Variants in PREX1 observed in about 807,000 individuals in gnomAD.
PREX1 encodes the protein phosphatidylinositol-3,4,5-trisphosphate dependent Rac exchange factor 1.
Under a neutral mutation model 198.3 loss-of-function variants are expected in PREX1, and 41 were observed. That is an observed-to-expected ratio of 0.21 (90% CI 0.16 to 0.27). The LOEUF is 0.27. PREX1 is among the 10% of genes least tolerant of loss of function. The pLI is 1.00. For synonymous variants in PREX1, 843 were observed against 887.2 expected (o/e 0.95, Z 0.89); for missense variants, 1,620 against 2,200.7 (o/e 0.74, Z 5.28).
In PREX1 at chr20:48,666,686, C is replaced by T. The variant is rs982287127; in HGVS notation, c.1666-331G>A. 7.2e-5 allele frequency among the ~76,000 whole-genome samples: 11 copies of T among 152,068 alleles called. No homozygotes were observed. The highest frequency in any genetic ancestry group is 1.4e-4 in the African/African-American group (6 of 41,470). The stretch of plus-strand genomic sequence containing the variant: ...GACTACAGGCACCTGCCACCACGCC[C>T]GGCTAATTTTTTGTATTTTTAGTAG... On this transcript the variant is annotated intron_variant, in intron 14 of 39. Transcript: ENST00000371941. The surrounding 1 kb of genome is among the most constrained non-coding windows in gnomAD (Gnocchi z 4.3).
At chr20:48,669,089 G>C (rs1378727857) in intron 14 of PREX1, among the ~76,000 whole-genome samples, 3 of 152,056 alleles carry the variant, frequency 2.0e-5, no homozygotes, top group Admixed American at 6.5e-5. Flanking sequence ...CTCTCCCAGA[G>C]GAAGCCGCCA....
intron 1 of PREX1, among the ~76,000 whole-genome samples, chr20:48,752,109 C>T (rs766427051): frequency 6.6e-6 from 1 of 152,120 alleles, no homozygotes; most frequent in South Asian, 2.1e-4. Context: ...GAGATTAGTT[C>T]AGTTTACCCA....
intron 25 of PREX1, 93 bp downstream of exon 25, chr20:48,649,206 CA>C (rs2089473059): frequency 6.6e-7 from 1 of 1,507,416 alleles, no homozygotes; most frequent in Admixed American, 1.9e-5. Context: ...GCCCACCCCC[CA>C]CTACAAAGAA....
intron 13 of PREX1, 27 bp from the exon 14 acceptor site, chr20:48,676,295 G>A (rs758536394): frequency 3.1e-5 from 50 of 1,605,056 alleles, no homozygotes; most frequent in Non-Finnish European, 3.9e-5. Flanking sequence ...CGCACAGTGA[G>A]CAGGGCAGGG....
chr20:48,771,538 G>A (rs1016383560), intron 1 of PREX1, among the ~76,000 whole-genome samples: 2 of 152,122 alleles, frequency 1.3e-5, no homozygotes, highest in African/African-American at 2.4e-5. Context: ...TTGGGAGGCC[G>A]AGGCAGGTGA....
At chr20:48,742,772 C>A (rs2122757292) in intron 3 of PREX1, among the ~76,000 whole-genome samples, 1 of 152,266 alleles carries the variant, frequency 6.6e-6, no homozygotes, top group East Asian at 1.9e-4. Context: ...AGTCAGGAAT[C>A]CTGCAGAAAG....
intron 14 of PREX1, among the ~76,000 whole-genome samples, chr20:48,672,474 G>C (rs2122988933): frequency 6.6e-6 from 1 of 152,354 alleles, no homozygotes; most frequent in South Asian, 2.1e-4. Flanking sequence ...CAGAGCCAGG[G>C]GACCTGTCTG....
At chr20:48,627,763 G>A in intron 38 of PREX1, 98 bp downstream of exon 38, 1 of 1,398,734 alleles carries the variant, frequency 7.1e-7, no homozygotes, top group Non-Finnish European at 9.9e-7. Flanking sequence ...GCTCAGGTCT[G>A]GGGCTGGTGG....
intron 1 of PREX1, among the ~76,000 whole-genome samples, chr20:48,817,532 G>A (rs1484201726): frequency 6.6e-6 from 1 of 152,152 alleles, no homozygotes; most frequent in African/African-American, 2.4e-5. Flanking sequence ...GGAAACCAAG[G>A]TTCAGAGAGG....
chr20:48,828,261 A>T (rs1395190823), upstream of PREX1, among the ~76,000 whole-genome samples: 8 of 151,448 alleles, frequency 5.3e-5, no homozygotes, highest in Admixed American at 5.3e-4. Flanking sequence ...CGGAGCCGGG[A>T]GTCCGAGGCC....
At chr20:48,772,784 T>C (rs938550847) in intron 1 of PREX1, among the ~76,000 whole-genome samples, 1 of 152,112 alleles carries the variant, frequency 6.6e-6, no homozygotes, top group Non-Finnish European at 1.5e-5. Flanking sequence ...AATGGCGAAG[T>C]TGTCTGGAGA....
rs531253205 is a variant in PREX1 at position 48,701,096 on chromosome 20, G to A, written c.784-210C>T. ...CTGGGGAGGGCACACTGATATGACC[G>A]CATGTCCCTTTTACAGGAGAGGGAC... On this transcript the variant is annotated intron_variant, in intron 6 of 39. Transcript: ENST00000371941. Among the ~76,000 whole-genome samples, 13 of 152,286 alleles carry A rather than the reference G, an allele frequency of 8.5e-5. No homozygotes were observed. In the South Asian group the frequency reaches 2.7e-3, roughly 32 times the overall value.
rs184348386 is a variant in PREX1, at chr20:48,706,322, C to T, written c.783+1938G>A. ...CTGAGTGCCAGGAAACTCTCTGTCTCCCAGAAGAACTGCTCTGCTTCTTCC... is the reference window on the plus strand; with the variant it reads ...CTGAGTGCCAGGAAACTCTCTGTCTTCCAGAAGAACTGCTCTGCTTCTTCC... On this transcript the variant is annotated intron_variant, in intron 6 of 39. Coordinates refer to ENST00000371941, the MANE Select transcript of PREX1 (RefSeq NM_020820.4). 3.3e-5 allele frequency among the ~76,000 whole-genome samples: 5 copies of T among 152,334 alleles called. No homozygotes were observed. In the South Asian group the frequency reaches 8.3e-4, roughly 25 times the overall value.
intron 21 of PREX1, 119 bp downstream of exon 21, chr20:48,652,467 T>A: frequency 1.5e-6 from 2 of 1,342,390 alleles, no homozygotes; most frequent in Non-Finnish European, 2.0e-6. Context: ...ACAAACCTGC[T>A]GGCATGGAGG....
intron 1 of PREX1, among the ~76,000 whole-genome samples, chr20:48,822,195 A>T (rs1237655091): frequency 6.6e-6 from 1 of 152,234 alleles, no homozygotes; most frequent in Non-Finnish European, 1.5e-5. Flanking sequence ...GCCCAACACA[A>T]GGTGGCCTGT....
At chr20:48,846,537 A>C in the PREX1 span, among the ~76,000 whole-genome samples, 2 of 152,152 alleles carry the variant, frequency 1.3e-5, no homozygotes, top group African/African-American at 4.8e-5. Flanking sequence ...CTCCTACAGT[A>C]CAACAGTCTC....
intron 21 of PREX1, 72 bp downstream of exon 21, chr20:48,652,514 A>T: frequency 6.7e-7 from 1 of 1,498,818 alleles, no homozygotes; most frequent in South Asian, 1.3e-5. Context: ...AGGGGACAAC[A>T]GGAGAGGACC....
chr20:48,634,176 A>AGACGGATGAT (rs1568791993), intron 33 of PREX1, among the ~76,000 whole-genome samples: 1 of 97,638 alleles, frequency 1.0e-5, no homozygotes, highest in African/African-American at 3.4e-5. Flanking sequence ...GGATGGATGC[A>AGACGGATGAT]TGGATGGATG....
At position 48,806,392 on chromosome 20, in the gene PREX1, G is replaced by C. The variant is rs565654070; in HGVS notation, c.219+21250C>G. ...TTTATGTGACCCAATATTACATACA[G>C]GTCTGCCCCACAGTAGGTGTTTCTA... On this transcript the variant is annotated intron_variant, in intron 1 of 39. Coordinates refer to ENST00000371941, the MANE Select transcript of PREX1 (RefSeq NM_020820.4). Among the ~76,000 whole-genome samples, 4 of 152,244 alleles carry C rather than the reference G, an allele frequency of 2.6e-5. No individual in the cohort carries two copies. The East Asian group carries it at 7.7e-4, about 29-fold the overall frequency.
Sources: gnomAD v4.1 joint callset for allele counts (sites outside exome capture counted in the v4.1 genomes callset) on GRCh38, gnomAD v4.1.1 for gene constraint, Gnocchi (gnomAD v3.1) non-coding constraint, MANE v1.5 for transcripts, NCBI Gene and HGNC (gene_info 2026-07-23, HGNC 2026-07-21) for gene names.